The following TMEM272 variants were observed in gnomAD, a reference collection of about 807,000 sequenced individuals.
The protein encoded by TMEM272 is long intergenic non-protein coding RNA 282.
Under a neutral mutation model 3.7 loss-of-function variants are expected in TMEM272, and 8 were observed. That is an observed-to-expected ratio of 2.17 (90% CI 1.27 to 3.91). TMEM272 has a LOEUF of 3.91. TMEM272 is among the 30% of genes most tolerant of loss of function. The probability of loss-of-function intolerance (pLI) is 0.00; values close to 1 mark genes in which losing one functional copy is unlikely to be tolerated. For synonymous variants in TMEM272, 63 were observed against 39.8 expected (o/e 1.58, Z -2.20); for missense variants, 166 against 91.5 (o/e 1.81, Z -3.32).
chr13:51,850,819 C>T, the TMEM272 span, among the ~76,000 whole-genome samples: 1 of 152,062 alleles, frequency 6.6e-6, no homozygotes, highest in Non-Finnish European at 1.5e-5. Context: ...TATTTATATG[C>T]TTTGTCATAC....
the TMEM272 span, among the ~76,000 whole-genome samples, chr13:51,873,581 A>C: frequency 2.6e-5 from 4 of 152,248 alleles, no homozygotes; most frequent in Non-Finnish European, 5.9e-5. Context: ...CTTCTGCTCC[A>C]GCCACACAGA....
At chr13:51,869,430 G>A in the TMEM272 span, among the ~76,000 whole-genome samples, 7 of 151,838 alleles carry the variant, frequency 4.6e-5, no homozygotes, top group Non-Finnish European at 8.8e-5. Flanking sequence ...ATTAAAACTC[G>A]AGTAGACACC....
chr13:51,895,879 C>T, the TMEM272 span, among the ~76,000 whole-genome samples: 4 of 152,278 alleles, frequency 2.6e-5, no homozygotes, highest in East Asian at 5.8e-4. Context: ...ACCCCTGAGA[C>T]TCAGGATGCT....
chr13:51,851,343 CA>C, the TMEM272 span, among the ~76,000 whole-genome samples: 3 of 139,314 alleles, frequency 2.2e-5, no homozygotes, highest in Admixed American at 7.2e-5. Context: ...CCTCCGTAAC[CA>C]AAAAAAAAGA....
At chr13:51,893,540 G>C in the TMEM272 span, among the ~76,000 whole-genome samples, 1 of 151,864 alleles carries the variant, frequency 6.6e-6, no homozygotes, top group East Asian at 1.9e-4. Flanking sequence ...TGTTTTTCTG[G>C]GATTCTCCCC....
At position 51,816,239 on chromosome 13, in the gene TMEM272, G is replaced by A. The variant is rs1956023753; in HGVS notation, c.*512C>T. 6.4e-6 allele frequency: 1 copy of A among 155,440 alleles called. No homozygotes were observed. Among genetic ancestry groups the A allele is most frequent in the South Asian group, 2.0e-4 (1 of 5,114 alleles). The allele number at this position is 155,440 out of a possible 1,614,324, so 9.6% of individuals were successfully genotyped here. A position where few individuals can be genotyped will look rare whatever the true frequency, so the allele number is the denominator to read the frequency against. The stretch of plus-strand genomic sequence containing the variant: ...CCTTCACTTTCCCAAAAGGCAGCTA[G>A]AGTCACTAAAAGAATATCTTTTTCC... On this transcript the variant is annotated 3_prime_UTR_variant, in exon 5 of 5. Coordinates refer to ENST00000629372, the MANE Select transcript of TMEM272 (RefSeq NM_001351003.2).
the TMEM272 span, chr13:51,909,564 A>G: frequency 8.9e-7 from 1 of 1,117,364 alleles, no homozygotes; most frequent in Non-Finnish European, 1.4e-6. Context: ...GATTTTTAAT[A>G]TGCTCTCTAA....
At chr13:51,867,755 G>T in the TMEM272 span, among the ~76,000 whole-genome samples, 1 of 152,130 alleles carries the variant, frequency 6.6e-6, no homozygotes, top group Non-Finnish European at 1.5e-5. Flanking sequence ...AGCTCTCCAT[G>T]GGTCCCAGGG....
At chr13:51,884,648 T>C in the TMEM272 span, among the ~76,000 whole-genome samples, 1 of 152,200 alleles carries the variant, frequency 6.6e-6, no homozygotes, top group Admixed American at 6.5e-5. Flanking sequence ...TGAGGTCCTC[T>C]GACATTGGAG....
chr13:51,882,630 A>T, the TMEM272 span, among the ~76,000 whole-genome samples: 2 of 152,196 alleles, frequency 1.3e-5, no homozygotes, highest in African/African-American at 4.8e-5. Context: ...AAACCTGCCA[A>T]GAATATATTA....
chr13:51,832,902 T>TC (rs1458793333), intron 2 of TMEM272, among the ~76,000 whole-genome samples: 1 of 152,120 alleles, frequency 6.6e-6, no homozygotes, highest in Non-Finnish European at 1.5e-5. Context: ...CTTCACCACC[T>TC]CTTAAGGGAG....
intron 2 of TMEM272, among the ~76,000 whole-genome samples, chr13:51,834,151 T>G (rs2139575647): frequency 6.6e-6 from 1 of 152,304 alleles, no homozygotes; most frequent in South Asian, 2.1e-4. Flanking sequence ...AGGGCCTGTG[T>G]GAGGCTACAG....
At chr13:51,826,879 C>T (rs1956130422) in intron 2 of TMEM272, among the ~76,000 whole-genome samples, 1 of 151,932 alleles carries the variant, frequency 6.6e-6, no homozygotes, top group Admixed American at 6.6e-5. Context: ...TCCTGCAGGA[C>T]CTCTCCAAGT....
the TMEM272 span, among the ~76,000 whole-genome samples, chr13:51,904,308 T>C: frequency 6.6e-6 from 1 of 152,136 alleles, no homozygotes; most frequent in Admixed American, 6.5e-5. Flanking sequence ...AGAAACTGAA[T>C]TCAGGTAGCA....
the TMEM272 span, among the ~76,000 whole-genome samples, chr13:51,885,267 A>G: frequency 1.3e-5 from 2 of 152,212 alleles, no homozygotes; most frequent in East Asian, 3.8e-4. Context: ...CGTTCTCACA[A>G]TGCTATGAAA....
At chr13:51,842,200 G>A (rs1391539183) in intron 1 of TMEM272, among the ~76,000 whole-genome samples, 3 of 152,184 alleles carry the variant, frequency 2.0e-5, no homozygotes, top group Admixed American at 1.3e-4. Flanking sequence ...CTGGGGTAGG[G>A]GTAGGGAGGA....
the TMEM272 span, chr13:51,932,812 C>T: frequency 6.6e-6 from 1 of 151,952 alleles, no homozygotes; most frequent in African/African-American, 2.4e-5. Flanking sequence ...TTTCCATGTC[C>T]ATATATGAAC....
At chr13:51,888,711 T>C in the TMEM272 span, among the ~76,000 whole-genome samples, 50,441 of 145,188 alleles carry the variant, frequency 0.35, 8,829 homozygotes, top group East Asian at 0.45. Flanking sequence ...AGTGGCTCGA[T>C]CTCAGCTCAC....
chr13:51,903,259 T>G, the TMEM272 span, among the ~76,000 whole-genome samples: 1 of 152,202 alleles, frequency 6.6e-6, no homozygotes, highest in Non-Finnish European at 1.5e-5. Context: ...TATTACTCAC[T>G]AAGTCCCAAA....
Sources: gnomAD v4.1 joint callset for allele counts (sites outside exome capture counted in the v4.1 genomes callset) on GRCh38, gnomAD v4.1.1 for gene constraint, MANE v1.5 for transcripts, NCBI Gene and HGNC (gene_info 2026-07-23, HGNC 2026-07-21) for gene names.